Variants in PTPRN2 observed in about 807,000 individuals in gnomAD.
PTPRN2 encodes the protein protein tyrosine phosphatase receptor type N2.
In PTPRN2, 74 loss-of-function variants were observed where a neutral mutation model predicts 118.8. That is an observed-to-expected ratio of 0.62 (90% CI 0.52 to 0.76). The LOEUF is 0.76. Among genes scored for constraint, PTPRN2 ranks in the 30% least tolerant of loss-of-function variants. The pLI, the probability that PTPRN2 is intolerant of heterozygous loss-of-function variation, is 0.00. For synonymous variants in PTPRN2, 641 were observed against 608.0 expected (o/e 1.05, Z -0.80); for missense variants, 1,481 against 1,394.4 (o/e 1.06, Z -0.99).
chr7:158,156,599 C>T (rs2335481), intron 6 of PTPRN2, among the ~76,000 whole-genome samples: 94,482 of 152,118 alleles, frequency 0.62, 30,381 homozygotes, highest in East Asian at 0.79. Flanking sequence ...GGTGAACACA[C>T]AGCTGCAGTC....
chr7:157,568,655 G>A (rs532889114), intron 21 of PTPRN2, among the ~76,000 whole-genome samples: 3 of 151,686 alleles, frequency 2.0e-5, no homozygotes, highest in Non-Finnish European at 4.4e-5. Flanking sequence ...AAAGGACCCA[G>A]TGCATGCTCG....
At chr7:158,412,119 C>T (rs1417813123) in intron 2 of PTPRN2, among the ~76,000 whole-genome samples, 2 of 141,970 alleles carry the variant, frequency 1.4e-5, no homozygotes, top group Admixed American at 6.9e-5. Context: ...TCCTCAACAC[C>T]AGGGCCCATC....
At chr7:158,578,266 A>G (rs1453314471) in intron 1 of PTPRN2, among the ~76,000 whole-genome samples, 2 of 150,338 alleles carry the variant, frequency 1.3e-5, no homozygotes, top group Non-Finnish European at 3.0e-5. Flanking sequence ...ATTTGTATGA[A>G]TATTATTTAA....
At chr7:158,441,842 GTGGTGATGGTGATAGTGATGGTCA>G (rs1817308217) in intron 2 of PTPRN2, among the ~76,000 whole-genome samples, 1 of 111,604 alleles carries the variant, frequency 9.0e-6, no homozygotes, top group African/African-American at 3.6e-5. Context: ...CATGGCAGTG[GTGGTGATGGTGATAGTGATGGTCA>G]TGGCAGTGGT....
Position 158,275,872 on chromosome 7 carries a change from GC to G in PTPRN2, c.277+40946del, listed in dbSNP as rs1293140526. Among the ~76,000 whole-genome samples the G allele has an allele frequency of 2.0e-5, 3 of 152,166 alleles. No individual in the cohort carries two copies. In the East Asian group the frequency reaches 5.8e-4, roughly 29 times the overall value. On this transcript the variant is annotated intron_variant, in intron 3 of 22. Transcript: ENST00000389418. ...ATCAGCCCCTCAGGGACAACAGGTG[GC>G]CAAGGGGGTGACCTTCCCAAGGAGC...
At chr7:157,570,298 T>A (rs896641221) in intron 20 of PTPRN2, among the ~76,000 whole-genome samples, 1 of 152,270 alleles carries the variant, frequency 6.6e-6, no homozygotes, top group Non-Finnish European at 1.5e-5. Context: ...ATCTTCCAAC[T>A]AAGTGTTGCT....
chr7:158,149,512 A>T (rs1022080105), intron 6 of PTPRN2, among the ~76,000 whole-genome samples: 1 of 152,258 alleles, frequency 6.6e-6, no homozygotes, highest in East Asian at 1.9e-4. Context: ...ATTTTTAAAA[A>T]GATAAGCCCG....
At chr7:158,564,251 G>C (rs1163993945) in intron 1 of PTPRN2, among the ~76,000 whole-genome samples, 3 of 145,102 alleles carry the variant, frequency 2.1e-5, no homozygotes, top group Non-Finnish European at 4.7e-5. Context: ...TTTCAAATGA[G>C]TATTATGACA....
chr7:157,861,897 C>A lies in PTPRN2; in HGVS notation c.1788+36776G>T, dbSNP rs954781520. On this transcript the variant is annotated intron_variant, in intron 12 of 22. Transcript: ENST00000389418. The surrounding 1 kb of genome is among the most constrained non-coding windows in gnomAD (Gnocchi z 5.8). The stretch of plus-strand genomic sequence containing the variant: ...TGTCCTCCCCATCACAGGGACACTG[C>A]TGCTTCGAGGACTCTGTGTGCCGGA... 6.7e-6 allele frequency among the ~76,000 whole-genome samples: 1 copy of A among 148,950 alleles called. No individual in the cohort carries two copies.
chr7:158,117,273 TA>T (rs1319621243), intron 9 of PTPRN2, among the ~76,000 whole-genome samples: 1 of 152,016 alleles, frequency 6.6e-6, no homozygotes, highest in Non-Finnish European at 1.5e-5. Context: ...TAGCTGAAAT[TA>T]AAAAGTTCAC....
intron 12 of PTPRN2, among the ~76,000 whole-genome samples, chr7:157,760,860 G>T (rs1237478040): frequency 1.3e-5 from 2 of 152,116 alleles, no homozygotes; most frequent in Non-Finnish European, 2.9e-5. Flanking sequence ...TGCAAACAGG[G>T]ACAATTTGAC....
At chr7:157,954,027 G>A (rs1345582481) in intron 11 of PTPRN2, among the ~76,000 whole-genome samples, 3 of 152,330 alleles carry the variant, frequency 2.0e-5, no homozygotes. Context: ...GCAACAGGCA[G>A]AGCCACTTCC....
intron 3 of PTPRN2, among the ~76,000 whole-genome samples, chr7:158,273,807 G>T (rs1423207150): frequency 2.9e-5 from 2 of 68,954 alleles, no homozygotes; most frequent in Non-Finnish European, 6.7e-5. Context: ...GCAGACACAG[G>T]GGGAGCCGCA....
chr7:158,341,651 T>C (rs1806832481), intron 2 of PTPRN2, among the ~76,000 whole-genome samples: 2 of 89,482 alleles, frequency 2.2e-5, no homozygotes, highest in African/African-American at 5.1e-5. Flanking sequence ...CAGACGTCAC[T>C]CACACCCACA....
chr7:158,341,336 C>A, intron 2 of PTPRN2, among the ~76,000 whole-genome samples: 1 of 151,542 alleles, frequency 6.6e-6, no homozygotes, highest in Non-Finnish European at 1.5e-5. Context: ...CACTCACACC[C>A]ACACTCTCAC....
At chr7:158,009,762 C>G (rs1295316507) in intron 11 of PTPRN2, among the ~76,000 whole-genome samples, 1 of 152,188 alleles carries the variant, frequency 6.6e-6, no homozygotes, top group Non-Finnish European at 1.5e-5. Flanking sequence ...AATCTTTGAG[C>G]TTTGTTGGAA....
rs898555024 is a variant in PTPRN2, at chr7:158,529,230, C to T, written c.113-39445G>A. Among the ~76,000 whole-genome samples, 6 of 152,244 alleles carry T rather than the reference C, an allele frequency of 3.9e-5. No homozygotes were observed. Among genetic ancestry groups the T allele is most frequent in the East Asian group, 1.9e-4 (1 of 5,204 alleles). On this transcript the variant is annotated intron_variant, in intron 1 of 22. Transcript: ENST00000389418. The surrounding 1 kb of genome is among the most constrained non-coding windows in gnomAD (Gnocchi z 4.7). Reference sequence around the variant, plus strand: ...CCGTCGCTGTTGGTCCTGGGGCTAACGCTGATGGGAGGAGCAGCTGCGTGC... The same window carrying T: ...CCGTCGCTGTTGGTCCTGGGGCTAATGCTGATGGGAGGAGCAGCTGCGTGC...
intron 14 of PTPRN2, among the ~76,000 whole-genome samples, chr7:157,631,689 A>G (rs570742012): frequency 4.6e-5 from 7 of 152,170 alleles, no homozygotes; most frequent in South Asian, 2.1e-4. Context: ...AAAATTAGCC[A>G]GGCGTGGTGG....
intron 2 of PTPRN2, among the ~76,000 whole-genome samples, chr7:158,332,275 G>T (rs111464438): frequency 8.6e-6 from 1 of 115,834 alleles, no homozygotes; most frequent in African/African-American, 3.8e-5. Flanking sequence ...ACACTCTCAC[G>T]ATAAGAGGTG....
Sources: allele counts gnomAD v4.1 joint callset (sites outside exome capture counted in the v4.1 genomes callset), GRCh38; gene constraint gnomAD v4.1.1; non-coding constraint Gnocchi (gnomAD v3.1); transcripts MANE v1.5; gene names NCBI Gene and HGNC (gene_info 2026-07-23, HGNC 2026-07-21).